Variants in CAP1 observed in about 807,000 individuals in gnomAD.
The protein encoded by CAP1 is adenylyl cyclase-associated protein 1.
CAP1 carries 11 observed loss-of-function variants against 58.2 expected under a neutral mutation model. The ratio of observed to expected loss-of-function variants is 0.19; its 90% CI spans 0.12 to 0.31. The LOEUF is 0.31. CAP1 is among the 10% of genes least tolerant of loss of function. CAP1 has a pLI of 1.00. For missense variants in CAP1, 423 were observed against 587.5 expected (o/e 0.72, Z 2.89); for synonymous variants, 183 against 213.8 (o/e 0.86, Z 1.26).
chr1:40,058,570 A>T (rs892792841), intron 1 of CAP1, among the ~76,000 whole-genome samples: 1 of 151,996 alleles, frequency 6.6e-6, no homozygotes, highest in South Asian at 2.1e-4. Context: ...TACTAAAACT[A>T]CAAAAAATTA....
rs6694796 is a variant in CAP1, at chr1:40,047,192, A to T, written c.-11+6391A>T. On this transcript the variant is annotated intron_variant, in intron 1 of 12. Transcript: ENST00000372805. ...TGTTGATTTTGTGGTCCATCCATTG[A>T]CCAAAATGTCATTATGTAATGCATG... Among the ~76,000 whole-genome samples the T allele has an allele frequency of 2.0e-3, 311 of 152,358 alleles. 1 individual carries two copies. Among genetic ancestry groups the T allele is most frequent in the African/African-American group, 7.3e-3 (303 of 41,576 alleles).
At chr1:40,065,422 A>G (rs16826852) in intron 6 of CAP1, among the ~76,000 whole-genome samples, 17,579 of 152,264 alleles carry the variant, frequency 0.12, 1,135 homozygotes, top group East Asian at 0.23. Flanking sequence ...TCCATCCTTC[A>G]TCAATCAACA....
At chr1:40,048,816 A>C (rs142405323) in intron 1 of CAP1, among the ~76,000 whole-genome samples, 2 of 152,330 alleles carry the variant, frequency 1.3e-5, no homozygotes, top group African/African-American at 4.8e-5. Context: ...CTTTCTTAGG[A>C]TAAAACCTCA....
chr1:40,049,178 A>ATTTTTTTTTTTT lies in CAP1; in HGVS notation c.-11+8392_-11+8403dup, dbSNP rs72214452. Among the ~76,000 whole-genome samples, 80 of 84,884 alleles carry ATTTTTTTTTTTT rather than the reference A, an allele frequency of 9.4e-4. 8 individuals are homozygous for ATTTTTTTTTTTT. Among genetic ancestry groups the ATTTTTTTTTTTT allele is most frequent in the East Asian group, 3.6e-3 (8 of 2,194 alleles). 55.7% of individuals were successfully genotyped at this position (84,884 alleles called of 152,430 possible). Reference sequence around the variant, plus strand: ...TGGCAGGAATCACTAGCCATTTCTAATTTTTTTTTTTTTTTTTTTTTTTTT... The same window carrying ATTTTTTTTTTTT: ...TGGCAGGAATCACTAGCCATTTCTAATTTTTTTTTTTTTTTTTTTTTTTTTTTTTTTTTTTTT... On this transcript the variant is annotated intron_variant, in intron 1 of 12. Coordinates refer to ENST00000372805, the MANE Select transcript of CAP1 (RefSeq NM_006367.4).
chr1:40,069,492 T>A (rs1647387901), intron 8 of CAP1, 198 bp from the exon 9 acceptor site: 7 of 588,282 alleles, frequency 1.2e-5, no homozygotes, highest in Non-Finnish European at 1.8e-5. Flanking sequence ...CATTCCATGT[T>A]GTTGTTAATG....
chr1:40,052,905 A>G (rs533198001), intron 1 of CAP1, among the ~76,000 whole-genome samples: 1 of 151,392 alleles, frequency 6.6e-6, no homozygotes, highest in East Asian at 2.0e-4. Flanking sequence ...CCTGGCTAAC[A>G]CGGTGAAACC....
intron 12 of CAP1, among the ~76,000 whole-genome samples, 188 bp downstream of exon 12, chr1:40,071,167 A>G (rs1241021728): frequency 6.6e-6 from 1 of 152,178 alleles, no homozygotes; most frequent in Admixed American, 6.5e-5. Context: ...TTTCTGCCTA[A>G]GTGGAGCTCA....
Position 40,067,695 on chromosome 1 carries a change from T to A in CAP1, c.786T>A (p.Asn262Lys). The A allele has an allele frequency of 1.2e-6, 2 of 1,600,396 alleles. No homozygotes were observed. The highest frequency in any genetic ancestry group is 1.7e-6 in the Non-Finnish European group (2 of 1,173,358). ...GCTCATCACTGTTCGCGCAGATTAA[T>A]CAGGGGGAGAGCATTACACATGGTG... is the stretch of plus-strand genomic sequence containing the variant. ...ASRSSLFAQI[N>K]QGESITHALK... The change falls in exon 8 of 13, where the codon AAT becomes AAA. Residue 262 changes from asparagine (N) to lysine (K), a missense_variant. Transcript: ENST00000372805.
At chr1:40,056,792 G>A (rs563258481) in intron 1 of CAP1, among the ~76,000 whole-genome samples, 6 of 151,978 alleles carry the variant, frequency 3.9e-5, no homozygotes, top group Admixed American at 2.0e-4. Context: ...AATAAGAAAA[G>A]GTGTGTCTTT....
intron 2 of CAP1, among the ~76,000 whole-genome samples, 158 bp from the exon 3 acceptor site, chr1:40,059,909 G>T (rs1292944154): frequency 6.6e-6 from 1 of 152,218 alleles, no homozygotes; most frequent in Non-Finnish European, 1.5e-5. Context: ...CACACAACCA[G>T]TTAGTGGTGA....
intron 10 of CAP1, 48 bp from the exon 11 acceptor site, chr1:40,070,382 T>C (rs1420063137): frequency 1.3e-6 from 2 of 1,518,626 alleles, no homozygotes; most frequent in East Asian, 4.8e-5. Flanking sequence ...AAATGTATAT[T>C]ACTTTCCTTT....
rs371828024 is a variant in CAP1 at position 40,043,809 on chromosome 1, G to A, written c.-11+3008G>A. ...GGAGACTCGCTTGAACCCGGGAGGC[G>A]GAGGTTGCAGTGAGCTGAGATTGCA... is the stretch of plus-strand genomic sequence containing the variant. On this transcript the variant is annotated intron_variant, in intron 1 of 12. Coordinates refer to ENST00000372805, the MANE Select transcript of CAP1 (RefSeq NM_006367.4). 6.6e-5 allele frequency among the ~76,000 whole-genome samples: 10 copies of A among 152,152 alleles called. No homozygotes were observed. The East Asian group carries it at 1.6e-3, about 24-fold the overall frequency.
intron 1 of CAP1, among the ~76,000 whole-genome samples, chr1:40,053,978 T>G (rs1250317979): frequency 2.0e-5 from 3 of 152,128 alleles, no homozygotes; most frequent in African/African-American, 4.8e-5. Flanking sequence ...TCTATATCAG[T>G]GTGATTCGTG....
chr1:40,041,630 C>T (rs1009404955), intron 1 of CAP1: 2 of 152,202 alleles, frequency 1.3e-5, no homozygotes, highest in African/African-American at 2.4e-5. Flanking sequence ...CTGCTGACCC[C>T]ACAAGATTAA....
Position 40,070,294 on chromosome 1 carries a change from T to A in CAP1, c.1117+12T>A. On this transcript the variant is annotated intron_variant, in intron 10 of 12. Transcript: ENST00000372805. The stretch of plus-strand genomic sequence containing the variant: ...CTCCATTACAGTAGGTGAGTCTTTG[T>A]CGCTGTCCCACGCAAGCCCCGTCCC... 6.2e-7 allele frequency: 1 copy of A among 1,614,130 alleles called. No homozygotes were observed. The highest frequency in any genetic ancestry group is 8.5e-7 in the Non-Finnish European group (1 of 1,179,964).
intron 4 of CAP1, among the ~76,000 whole-genome samples, chr1:40,062,538 C>T (rs1646893901): frequency 1.3e-5 from 2 of 151,952 alleles, no homozygotes; most frequent in African/African-American, 4.8e-5. Flanking sequence ...TCACTTGAGG[C>T]CAGGAGTTTG....
chr1:40,062,731 C>T (rs1446090976), intron 4 of CAP1, among the ~76,000 whole-genome samples: 1 of 151,350 alleles, frequency 6.6e-6, no homozygotes, highest in East Asian at 1.9e-4. Context: ...CACCACTGCA[C>T]TCCAGCCTGG....
chr1:40,041,641 A>C (rs1412087851), intron 1 of CAP1: 1 of 152,218 alleles, frequency 6.6e-6, no homozygotes, highest in Non-Finnish European at 1.5e-5. Context: ...ACAAGATTAA[A>C]TTCAGCGTAA....
chr1:40,043,044 G>A (rs943905346), intron 1 of CAP1, among the ~76,000 whole-genome samples: 1 of 152,174 alleles, frequency 6.6e-6, no homozygotes, highest in African/African-American at 2.4e-5. Flanking sequence ...AGGCAAAGAT[G>A]TCTAATAAGG....
Sources: gnomAD v4.1 joint callset for allele counts (sites outside exome capture counted in the v4.1 genomes callset) on GRCh38, gnomAD v4.1.1 for gene constraint, MANE v1.5 for transcripts, NCBI Gene and HGNC (gene_info 2026-07-23, HGNC 2026-07-21) for gene names.